RSU1: variants seen among roughly 807,000 people sequenced by gnomAD.
RSU1 encodes the protein rsu-1.
Under a neutral mutation model 31.1 loss-of-function variants are expected in RSU1, and 26 were observed. The ratio of observed to expected loss-of-function variants is 0.84; its 90% CI spans 0.61 to 1.16. The LOEUF (loss-of-function observed/expected upper bound fraction) is 1.16, where lower values mean the gene tolerates loss of function less well. RSU1 is among the 50% of genes most tolerant of loss of function. RSU1 has a pLI of 0.00. For missense variants in RSU1, 320 were observed against 339.1 expected, an observed-to-expected ratio of 0.94 and a Z score of 0.44; for synonymous variants, 164 against 136.3, an observed-to-expected ratio of 1.20 and a Z score of -1.41.
intron 2 of RSU1, among the ~76,000 whole-genome samples, chr10:16,798,520 A>G (rs1292100696): frequency 3.9e-5 from 6 of 152,100 alleles, no homozygotes; most frequent in Admixed American, 6.5e-5. Flanking sequence ...CCCTTCGCTC[A>G]GCACTTCTCC....
chr10:16,655,521 T>C (rs1233647058), intron 8 of RSU1, among the ~76,000 whole-genome samples: 1 of 152,200 alleles, frequency 6.6e-6, no homozygotes, highest in Admixed American at 6.5e-5. Flanking sequence ...ACAATAACTG[T>C]TTGATAATTA....
intron 8 of RSU1, among the ~76,000 whole-genome samples, chr10:16,685,665 T>C (rs1835427462): frequency 6.6e-6 from 1 of 152,156 alleles, no homozygotes; most frequent in Non-Finnish European, 1.5e-5. Context: ...GCCAGCTTCT[T>C]TACTGCAACC....
At chr10:16,650,177 G>A (rs1334528192) in intron 8 of RSU1, among the ~76,000 whole-genome samples, 1 of 152,220 alleles carries the variant, frequency 6.6e-6, no homozygotes, top group Non-Finnish European at 1.5e-5. Context: ...TGTAAAAGCT[G>A]AGACTATCTC....
intron 8 of RSU1, among the ~76,000 whole-genome samples, chr10:16,609,747 A>C (rs904247391): frequency 6.6e-6 from 1 of 152,244 alleles, no homozygotes; most frequent in African/African-American, 2.4e-5. Context: ...TTTCCATCCA[A>C]CATATCTCCC....
intron 2 of RSU1, among the ~76,000 whole-genome samples, chr10:16,794,194 G>T (rs1837981109): frequency 6.6e-6 from 1 of 152,178 alleles, no homozygotes; most frequent in Admixed American, 6.5e-5. Flanking sequence ...CCAGCTTGCA[G>T]ACAGCACATC....
intron 8 of RSU1, among the ~76,000 whole-genome samples, chr10:16,595,991 G>T (rs565538756): frequency 6.6e-6 from 1 of 152,020 alleles, no homozygotes; most frequent in South Asian, 2.1e-4. Flanking sequence ...TCTGCTCCAT[G>T]AAAGCGCATT....
intron 8 of RSU1, among the ~76,000 whole-genome samples, chr10:16,598,458 T>C (rs1274757528): frequency 2.6e-5 from 4 of 151,944 alleles, no homozygotes; most frequent in African/African-American, 4.8e-5. Flanking sequence ...GGAGGCTGCA[T>C]TGGGAGGATC....
At chr10:16,766,978 G>A (rs1003570446) in intron 3 of RSU1, among the ~76,000 whole-genome samples, 1 of 150,536 alleles carries the variant, frequency 6.6e-6, no homozygotes, top group East Asian at 1.9e-4. Flanking sequence ...CCGAGATCAA[G>A]CCATTACACT....
chr10:16,763,054 A>C (rs1837241242), intron 4 of RSU1, among the ~76,000 whole-genome samples: 1 of 151,980 alleles, frequency 6.6e-6, no homozygotes, highest in African/African-American at 2.4e-5. Flanking sequence ...ATCTATTGCC[A>C]CTCCACGTCA....
intron 2 of RSU1, among the ~76,000 whole-genome samples, chr10:16,811,006 A>T (rs1282550212): frequency 1.3e-5 from 2 of 150,512 alleles, no homozygotes; most frequent in African/African-American, 4.9e-5. Context: ...TGGGCAACAG[A>T]GTGAGACCTT....
At chr10:16,593,620 G>T in intron 8 of RSU1, 124 bp from the exon 9 acceptor site, 2 of 748,812 alleles carry the variant, frequency 2.7e-6, no homozygotes, top group East Asian at 2.6e-5. Context: ...AAAACCAAAA[G>T]ATCACTTCTG....
chr10:16,627,064 TTCTAAGAAGTA>T (rs1834170811), intron 8 of RSU1, among the ~76,000 whole-genome samples: 1 of 152,260 alleles, frequency 6.6e-6, no homozygotes, highest in Non-Finnish European at 1.5e-5. Flanking sequence ...TGGGGAACTT[TTCTAAGAAGTA>T]TTCACCAATT....
intron 3 of RSU1, among the ~76,000 whole-genome samples, chr10:16,770,830 C>T (rs1333193496): frequency 6.6e-6 from 1 of 152,180 alleles, no homozygotes; most frequent in Non-Finnish European, 1.5e-5. Context: ...TGTCTCGTGC[C>T]CATTTCCAGG....
chr10:16,700,211 CA>C (rs1399004786), intron 7 of RSU1, among the ~76,000 whole-genome samples: 1 of 152,140 alleles, frequency 6.6e-6, no homozygotes, highest in Non-Finnish European at 1.5e-5. Flanking sequence ...TTCACGTCAT[CA>C]AAGTAGCATT....
intron 8 of RSU1, among the ~76,000 whole-genome samples, chr10:16,682,765 C>G (rs1835355018): frequency 6.6e-6 from 1 of 152,064 alleles, no homozygotes; most frequent in Admixed American, 6.5e-5. Flanking sequence ...GGATCGGGAC[C>G]CCTTTCCTGT....
At chr10:16,739,857 C>T (rs1196971342) in intron 7 of RSU1, among the ~76,000 whole-genome samples, 8 of 152,054 alleles carry the variant, frequency 5.3e-5, no homozygotes, top group South Asian at 4.2e-4. Context: ...GTGATCCACC[C>T]GCCTCAGCCT....
At chr10:16,651,640 C>T (rs911906892) in intron 8 of RSU1, among the ~76,000 whole-genome samples, 2 of 152,144 alleles carry the variant, frequency 1.3e-5, no homozygotes, top group Non-Finnish European at 1.5e-5. Context: ...ACACACTTTG[C>T]ATACTTTCAA....
intron 8 of RSU1, among the ~76,000 whole-genome samples, chr10:16,683,185 T>TGTGTGTGTGTGTGTGTGTGTGTGTGTG: frequency 1.4e-5 from 1 of 71,534 alleles, no homozygotes; most frequent in Non-Finnish European, 2.8e-5. Context: ...GTGTGTGTGT[T>TGTGTGTGTGTGTGTGTGTGTGTGTGTG]GTGGTAGGGG....
chr10:16,743,276 G>A (rs1836786966), intron 7 of RSU1, among the ~76,000 whole-genome samples: 1 of 152,102 alleles, frequency 6.6e-6, no homozygotes, highest in Admixed American at 6.5e-5. Flanking sequence ...ATACCATTGG[G>A]AGGAATGCTT....
Sources: allele counts gnomAD v4.1 joint callset (sites outside exome capture counted in the v4.1 genomes callset), GRCh38; gene constraint gnomAD v4.1.1; transcripts MANE v1.5; gene names NCBI Gene and HGNC (gene_info 2026-07-23, HGNC 2026-07-21).